CCDC3: variants seen among roughly 807,000 people sequenced by gnomAD.
CCDC3 encodes coiled-coil domain containing 3.
In CCDC3, 24 loss-of-function variants were observed where a neutral mutation model predicts 21.4. That is an observed-to-expected ratio of 1.12 (90% CI 0.81 to 1.58). The LOEUF (loss-of-function observed/expected upper bound fraction) is 1.58. Ranked by LOEUF, CCDC3 falls within the 40% of genes most tolerant of loss-of-function variation. CCDC3 has a pLI of 0.00. For missense variants in CCDC3, 425 were observed against 360.9 expected, an observed-to-expected ratio of 1.18 and a Z score of -1.44; for synonymous variants, 186 against 166.0, an observed-to-expected ratio of 1.12 and a Z score of -0.93.
In CCDC3 at chr10:12,968,494, T is replaced by TC. The variant is rs1835294407; in HGVS notation, c.549+29843dup. On this transcript the variant is annotated intron_variant, in intron 2 of 2. Transcript: ENST00000378825. ...TCTTACAAGAAAGGTTAAAGAGAGTTCTTCAAGCTGAAAGAAGATGCTAAT... is the reference window on the plus strand; with the variant it reads ...TCTTACAAGAAAGGTTAAAGAGAGTTCCTTCAAGCTGAAAGAAGATGCTAAT... Among the ~76,000 whole-genome samples the TC allele has an allele frequency of 3.9e-5, 6 of 152,280 alleles. No homozygotes were observed. The South Asian group carries it at 1.0e-3, about 26-fold the overall frequency.
chr10:12,942,402 GCAGCTCC>G (rs1482281780), intron 2 of CCDC3, among the ~76,000 whole-genome samples: 2 of 152,176 alleles, frequency 1.3e-5, no homozygotes, highest in East Asian at 3.9e-4. Context: ...TTAATAAAAA[GCAGCTCC>G]AAAGTCATTT....
chr10:13,038,003 G>C (rs1165093158), intron 5 of CCDC3, among the ~76,000 whole-genome samples: 5 of 152,136 alleles, frequency 3.3e-5, no homozygotes, highest in Non-Finnish European at 7.3e-5. Flanking sequence ...TTTCAAAAGA[G>C]AAAATGTGGT....
intron 2 of CCDC3, among the ~76,000 whole-genome samples, chr10:12,967,769 C>G (rs1022465355): frequency 6.6e-6 from 1 of 152,078 alleles, no homozygotes. Context: ...AGAAAACATG[C>G]CAATTCTAGG....
chr10:13,093,002 G>A (rs1219616416), intron 3 of CCDC3, among the ~76,000 whole-genome samples: 1 of 150,594 alleles, frequency 6.6e-6, no homozygotes, highest in Non-Finnish European at 1.5e-5. Context: ...TGATCTAGTG[G>A]AAAGTCATGT....
At position 12,898,696 on chromosome 10, in the gene CCDC3, CG is replaced by C. The variant is rs1564274904; in HGVS notation, c.550-18del. 4 of 1,612,564 alleles carry C rather than the reference CG, an allele frequency of 2.5e-6. No homozygotes were observed. Among genetic ancestry groups the C allele is most frequent in the Non-Finnish European group, 3.4e-6 (4 of 1,178,886 alleles). ...GCACATGAGCTGGAGGCAGAGACAG[CG>C]TGCAAGGAGAGGAGGTGAGTCCCAG... On this transcript the variant is annotated intron_variant, in intron 2 of 2. Transcript: ENST00000378825.
At chr10:12,973,807 C>T (rs904471793) in intron 2 of CCDC3, among the ~76,000 whole-genome samples, 5 of 152,224 alleles carry the variant, frequency 3.3e-5, no homozygotes, top group African/African-American at 1.2e-4. Flanking sequence ...TATATCCCCA[C>T]AGCCTCTTGC....
intron 2 of CCDC3, among the ~76,000 whole-genome samples, chr10:12,912,220 C>T (rs1469980250): frequency 6.6e-6 from 1 of 152,172 alleles, no homozygotes; most frequent in Non-Finnish European, 1.5e-5. Context: ...TACAGTTTTC[C>T]ATAATTACTA....
intron 2 of CCDC3, among the ~76,000 whole-genome samples, chr10:12,921,350 T>C (rs1834446970): frequency 6.6e-6 from 1 of 152,204 alleles, no homozygotes. Context: ...TCCCCAAGGC[T>C]GTCTGTGTAC....
chr10:12,985,834 G>A (rs1835580815), intron 2 of CCDC3, among the ~76,000 whole-genome samples: 1 of 152,150 alleles, frequency 6.6e-6, no homozygotes. Flanking sequence ...CTTAATTGTG[G>A]TGGGGTTACC....
In CCDC3 at chr10:12,976,128, C is replaced by T. The variant is rs940028929; in HGVS notation, c.549+22210G>A. 2.6e-5 allele frequency among the ~76,000 whole-genome samples: 4 copies of T among 152,374 alleles called. No individual in the cohort carries two copies. In the East Asian group the frequency reaches 7.7e-4, roughly 29 times the overall value. ...GACAATCCCAGGCTGGGCTGAGACA[C>T]AACCTCTGTGTGTCTCTAGAGACCC... On this transcript the variant is annotated intron_variant, in intron 2 of 2. Coordinates refer to ENST00000378825, the MANE Select transcript of CCDC3 (RefSeq NM_031455.4).
intron 2 of CCDC3, among the ~76,000 whole-genome samples, chr10:12,944,462 G>T (rs1834882842): frequency 6.6e-6 from 1 of 152,182 alleles, no homozygotes; most frequent in South Asian, 2.1e-4. Flanking sequence ...GGAAGCCCCT[G>T]CTTTGAGATG....
intron 2 of CCDC3, among the ~76,000 whole-genome samples, chr10:12,904,649 G>C (rs1010930689): frequency 2.6e-5 from 4 of 151,878 alleles, no homozygotes; most frequent in Non-Finnish European, 4.4e-5. Context: ...GGACAAATCC[G>C]TGGAGAGCTC....
intron 4 of CCDC3, among the ~76,000 whole-genome samples, chr10:13,051,534 TCACTA>T (rs1260405311): frequency 6.6e-6 from 1 of 152,196 alleles, no homozygotes; most frequent in Non-Finnish European, 1.5e-5. Context: ...ATGGCAGCTG[TCACTA>T]CTATTACTAT....
chr10:13,034,774 C>T (rs1002494813), intron 5 of CCDC3, among the ~76,000 whole-genome samples: 1 of 152,144 alleles, frequency 6.6e-6, no homozygotes, highest in African/African-American at 2.4e-5. Flanking sequence ...CCTGTAATCC[C>T]AGCACTTTGG....
intron 2 of CCDC3, among the ~76,000 whole-genome samples, chr10:12,978,454 C>T (rs951288355): frequency 6.6e-6 from 1 of 152,158 alleles, no homozygotes; most frequent in Non-Finnish European, 1.5e-5. Flanking sequence ...CCGATGGAAT[C>T]GGCTTTGACT....
At chr10:12,991,025 C>T (rs1248022093) in intron 2 of CCDC3, among the ~76,000 whole-genome samples, 1 of 152,200 alleles carries the variant, frequency 6.6e-6, no homozygotes, top group Non-Finnish European at 1.5e-5. Context: ...TACACTTCTC[C>T]ATCTCTAAGG....
upstream of CCDC3, among the ~76,000 whole-genome samples, chr10:13,002,119 AGT>A (rs1269454942): frequency 1.3e-5 from 2 of 152,240 alleles, no homozygotes; most frequent in Admixed American, 1.3e-4. Context: ...TAGGAAATTC[AGT>A]GTGGGCTGAG....
intron 4 of CCDC3, among the ~76,000 whole-genome samples, chr10:13,055,887 G>C (rs1434934089): frequency 6.6e-6 from 1 of 152,180 alleles, no homozygotes; most frequent in Non-Finnish European, 1.5e-5. Context: ...TCCTTTGCCT[G>C]CTAAAACAAT....
chr10:12,962,237 C>T (rs779374768), intron 2 of CCDC3, among the ~76,000 whole-genome samples: 8 of 152,192 alleles, frequency 5.3e-5, no homozygotes, highest in Admixed American at 1.3e-4. Context: ...AAGAAAAACA[C>T]GTAACGATCA....
Sources: gnomAD v4.1 joint callset for allele counts (sites outside exome capture counted in the v4.1 genomes callset) on GRCh38, gnomAD v4.1.1 for gene constraint, MANE v1.5 for transcripts, NCBI Gene and HGNC (gene_info 2026-07-23, HGNC 2026-07-21) for gene names.